ZNF385C: variants seen among roughly 807,000 people sequenced by gnomAD.
ZNF385C encodes the protein CTD-2132N18.2.
Under a neutral mutation model 35.4 loss-of-function variants are expected in ZNF385C, and 28 were observed. The observed-to-expected ratio is 0.79, with a 90% CI of 0.59 to 1.08. The LOEUF is 1.08. Ranked by LOEUF, ZNF385C falls within the 50% of genes least tolerant of loss-of-function variation. ZNF385C has a pLI of 0.00. For missense variants in ZNF385C, 605 were observed against 595.6 expected, an observed-to-expected ratio of 1.02 and a Z score of -0.16; for synonymous variants, 248 against 248.2, an observed-to-expected ratio of 1.00 and a Z score of 0.01.
chr17:42,087,216 G>A (rs1335327876), intron 1 of ZNF385C, among the ~76,000 whole-genome samples: 1 of 152,154 alleles, frequency 6.6e-6, no homozygotes, highest in African/African-American at 2.4e-5. Flanking sequence ...AGACAATGTT[G>A]ATGAAAACCT....
chr17:42,068,196 TA>T (rs2053575227), intron 1 of ZNF385C, among the ~76,000 whole-genome samples: 1 of 152,168 alleles, frequency 6.6e-6, no homozygotes, highest in East Asian at 1.9e-4. Context: ...CAGGTCTGTC[TA>T]ACCCTGCCCT....
intron 1 of ZNF385C, among the ~76,000 whole-genome samples, chr17:42,090,979 C>T (rs2053859607): frequency 1.3e-5 from 2 of 152,184 alleles, no homozygotes; most frequent in Admixed American, 6.5e-5. Context: ...ATAGTAGGTG[C>T]TCCATAAATA....
intron 1 of ZNF385C, among the ~76,000 whole-genome samples, chr17:42,091,796 G>C (rs1450580935): frequency 6.6e-6 from 1 of 152,154 alleles, no homozygotes; most frequent in Non-Finnish European, 1.5e-5. Flanking sequence ...CTGCTAACTA[G>C]GACAGCAAAT....
intron 1 of ZNF385C, among the ~76,000 whole-genome samples, chr17:42,069,485 G>A (rs1371805935): frequency 6.6e-6 from 1 of 152,224 alleles, no homozygotes; most frequent in Admixed American, 6.5e-5. Flanking sequence ...GCTGCAGCCT[G>A]GGAAAGGAGT....
At chr17:42,082,320 G>C (rs1363807510) in intron 1 of ZNF385C, among the ~76,000 whole-genome samples, 1 of 152,208 alleles carries the variant, frequency 6.6e-6, no homozygotes, top group Non-Finnish European at 1.5e-5. Context: ...TTACAGGCGT[G>C]AGCCACCACG....
chr17:42,064,865 G>A (rs781883770), intron 1 of ZNF385C, among the ~76,000 whole-genome samples: 2 of 151,400 alleles, frequency 1.3e-5, no homozygotes, highest in African/African-American at 2.4e-5. Flanking sequence ...GCACCCAGTG[G>A]GAGACAGAGT....
In ZNF385C at chr17:42,086,709, A is replaced by G. The variant is rs2053812326; in HGVS notation, c.-3+11701T>C. 5.3e-5 allele frequency among the ~76,000 whole-genome samples: 8 copies of G among 151,820 alleles called. No homozygotes were observed. The South Asian group carries it at 1.7e-3, about 31-fold the overall frequency. On this transcript the variant is annotated intron_variant, in intron 1 of 8. Coordinates refer to ENST00000692273, the MANE Select transcript of ZNF385C (RefSeq NM_001392013.1). ...AGAGTGAGATTCCATCTCAAAAAAA[A>G]AAAAAAAAAAATCCAATAAATATAA...
rs370528999 is a variant in ZNF385C, at chr17:42,068,165, G to A, written c.-2-5107C>T. On this transcript the variant is annotated intron_variant, in intron 1 of 8. Transcript: ENST00000692273. ...GAGCCCAGTCAGAAAGTGTGGACGG[G>A]TGGGCAGTGACGGGGGCACACAGGT... is the stretch of plus-strand genomic sequence containing the variant. 1.1e-4 allele frequency among the ~76,000 whole-genome samples: 17 copies of A among 152,242 alleles called. No individual in the cohort carries two copies. In the East Asian group the frequency reaches 1.9e-3, roughly 17 times the overall value.
Position 42,026,406 on chromosome 17 carries a change from C to T in ZNF385C, c.*491G>A, listed in dbSNP as rs1179900027. 2 of 172,308 alleles carry T rather than the reference C, an allele frequency of 1.2e-5. No individual in the cohort carries two copies. The highest frequency in any genetic ancestry group is 2.5e-5 in the Non-Finnish European group (2 of 79,274). The allele number at this position is 172,308 out of a possible 1,614,324, so 10.7% of individuals were successfully genotyped here. On this transcript the variant is annotated 3_prime_UTR_variant, in exon 9 of 9. Coordinates refer to ENST00000692273, the MANE Select transcript of ZNF385C (RefSeq NM_001392013.1). ...GAAGGACTTTTGGGTCCCCCTTTCTCCTCCATGGTCCTCTGTCACACTCCC... is the reference window on the plus strand; with the variant it reads ...GAAGGACTTTTGGGTCCCCCTTTCTTCTCCATGGTCCTCTGTCACACTCCC...
chr17:42,086,086 A>G (rs994772752), intron 1 of ZNF385C, among the ~76,000 whole-genome samples: 2 of 152,066 alleles, frequency 1.3e-5, no homozygotes, highest in Admixed American at 6.6e-5. Flanking sequence ...ATAACAATAC[A>G]TTTAAATTTA....
chr17:42,030,538 A>G (rs530071687), intron 5 of ZNF385C, among the ~76,000 whole-genome samples: 1 of 152,110 alleles, frequency 6.6e-6, no homozygotes, highest in African/African-American at 2.4e-5. Context: ...AACAGATACA[A>G]AAAAACCCCT....
intron 2 of ZNF385C, 93 bp downstream of exon 2, chr17:42,062,714 A>G: frequency 2.2e-6 from 1 of 445,992 alleles, no homozygotes; most frequent in Non-Finnish European, 4.0e-6. Context: ...ACCCCCATGG[A>G]GGGAGGCCAC....
intron 1 of ZNF385C, among the ~76,000 whole-genome samples, chr17:42,093,206 G>A (rs1296338606): frequency 1.3e-5 from 2 of 152,126 alleles, no homozygotes; most frequent in African/African-American, 2.4e-5. Context: ...GGAACAGGGT[G>A]GGGAGCACAG....
intron 1 of ZNF385C, among the ~76,000 whole-genome samples, chr17:42,076,017 G>T (rs1335329186): frequency 6.6e-6 from 1 of 152,142 alleles, no homozygotes; most frequent in Non-Finnish European, 1.5e-5. Context: ...GCCCCCGAGT[G>T]AATGGTAGTT....
chr17:42,040,224 C>T, intron 2 of ZNF385C: 2 of 1,231,576 alleles, frequency 1.6e-6, no homozygotes, highest in Non-Finnish European at 2.0e-6. Context: ...GGTAGGAGTC[C>T]TGTAGGCCCT....
At chr17:42,039,585 C>T in intron 2 of ZNF385C, 1 of 984,028 alleles carries the variant, frequency 1.0e-6, no homozygotes, top group Non-Finnish European at 1.3e-6. Context: ...GGTGGATGGC[C>T]TCAGGCCCCT....
chr17:42,064,079 C>CACACAA (rs1555658268), intron 1 of ZNF385C, among the ~76,000 whole-genome samples: 1 of 88,846 alleles, frequency 1.1e-5, no homozygotes, highest in Non-Finnish European at 2.4e-5. Flanking sequence ...CACATACACA[C>CACACAA]ACACACACAC....
chr17:42,072,094 T>C (rs1412101494), intron 1 of ZNF385C, among the ~76,000 whole-genome samples: 2 of 152,130 alleles, frequency 1.3e-5, no homozygotes, highest in African/African-American at 2.4e-5. Context: ...GGAGTACTTT[T>C]TGCACCCCCC....
At chr17:42,027,554 G>GGCCCACC in intron 8 of ZNF385C, 64 bp downstream of exon 8, 4 of 556,874 alleles carry the variant, frequency 7.2e-6, no homozygotes, top group East Asian at 3.4e-5. Flanking sequence ...CCCCCATCTG[G>GGCCCACC]CCCTCCCAGC....
Sources: allele counts gnomAD v4.1 joint callset (sites outside exome capture counted in the v4.1 genomes callset), GRCh38; gene constraint gnomAD v4.1.1; transcripts MANE v1.5; gene names NCBI Gene and HGNC (gene_info 2026-07-23, HGNC 2026-07-21).